The following LRRC37A variants were observed in gnomAD, a reference collection of about 807,000 sequenced individuals.
LRRC37A encodes leucine rich repeat containing 37A, also known as leucine-rich repeat-containing protein 37A.
LRRC37A carries 3 observed loss-of-function variants against 35.4 expected under a neutral mutation model. The observed-to-expected ratio is 0.08, with a 90% CI of 0.04 to 0.22. The LOEUF is 0.22. Ranked by LOEUF, LRRC37A falls within the 10% of genes least tolerant of loss-of-function variation. The pLI is 1.00. For missense variants in LRRC37A, 67 were observed against 565.3 expected, an observed-to-expected ratio of 0.12 and a Z score of 8.94; for synonymous variants, 23 against 215.0, an observed-to-expected ratio of 0.11 and a Z score of 7.81.
the LRRC37A span, among the ~76,000 whole-genome samples, chr17:46,284,923 G>A: frequency 6.6e-6 from 1 of 152,234 alleles, no homozygotes; most frequent in African/African-American, 2.4e-5. Context: ...AGGCTGGAGT[G>A]GAGTGGCACG....
chr17:46,256,867 G>C, the LRRC37A span, among the ~76,000 whole-genome samples: 82 of 152,126 alleles, frequency 5.4e-4, no homozygotes, highest in Non-Finnish European at 1.1e-3. Flanking sequence ...CCCTTCGAAA[G>C]GGGATTGGAA....
the LRRC37A span, among the ~76,000 whole-genome samples, chr17:46,273,939 T>G: frequency 3.3e-5 from 5 of 152,244 alleles, no homozygotes; most frequent in Non-Finnish European, 7.3e-5. Flanking sequence ...AATGTACAGA[T>G]GAAGGCAATG....
At chr17:46,266,481 T>C in the LRRC37A span, among the ~76,000 whole-genome samples, 2 of 152,178 alleles carry the variant, frequency 1.3e-5, no homozygotes, top group Non-Finnish European at 2.9e-5. Flanking sequence ...GTTCCAATGG[T>C]CTGCTCAGCG....
the LRRC37A span, among the ~76,000 whole-genome samples, chr17:46,253,114 G>C: frequency 6.7e-6 from 1 of 148,494 alleles, no homozygotes; most frequent in Non-Finnish European, 1.5e-5. Context: ...TCTCAGATGG[G>C]GCGGCCGGGC....
intron 10 of LRRC37A, among the ~76,000 whole-genome samples, chr17:46,333,303 T>C (rs1282178181): frequency 1.8e-5 from 1 of 55,842 alleles, no homozygotes; most frequent in East Asian, 2.8e-4. Flanking sequence ...TTGGACACCA[T>C]GTGAGACATT....
the LRRC37A span, among the ~76,000 whole-genome samples, chr17:46,270,631 G>A: frequency 1.1e-3 from 167 of 152,350 alleles, no homozygotes; most frequent in African/African-American, 3.5e-3. Flanking sequence ...AGGCTAGGCC[G>A]GGAGCTGTGA....
At chr17:46,282,178 CT>C in the LRRC37A span, among the ~76,000 whole-genome samples, 2,295 of 152,218 alleles carry the variant, frequency 0.015, 59 homozygotes, top group African/African-American at 0.049. Flanking sequence ...TCTCGGCTCA[CT>C]GCAAGCTCTG....
chr17:46,267,919 TA>T, the LRRC37A span, among the ~76,000 whole-genome samples: 23 of 105,016 alleles, frequency 2.2e-4, no homozygotes, highest in Non-Finnish European at 1.6e-4. Context: ...TTTTTTTTTT[TA>T]GACAGAGTCT....
the LRRC37A span, among the ~76,000 whole-genome samples, chr17:46,250,850 T>A: frequency 6.6e-6 from 1 of 152,192 alleles, no homozygotes; most frequent in Non-Finnish European, 1.5e-5. Context: ...CTCCTTGTCC[T>A]TCTCTTCCCT....
the LRRC37A span, among the ~76,000 whole-genome samples, chr17:46,280,691 A>G: frequency 6.7e-6 from 1 of 149,158 alleles, no homozygotes; most frequent in Non-Finnish European, 1.5e-5. Flanking sequence ...CTCATGCCTC[A>G]GCCTCCTGTG....
chr17:46,266,649 C>T, the LRRC37A span, among the ~76,000 whole-genome samples: 2 of 152,322 alleles, frequency 1.3e-5, no homozygotes, highest in African/African-American at 2.4e-5. Context: ...CTTTCTGGCT[C>T]CTCTGTTTAA....
At chr17:46,257,452 CAAAA>C in the LRRC37A span, among the ~76,000 whole-genome samples, 7 of 83,298 alleles carry the variant, frequency 8.4e-5, no homozygotes, top group Non-Finnish European at 1.6e-4. Flanking sequence ...GACTCTGTCT[CAAAA>C]AAAAAAAAAA....
At chr17:46,267,281 T>G in the LRRC37A span, 1 of 1,150,198 alleles carries the variant, frequency 8.7e-7, no homozygotes. Context: ...GCCCAGGGAC[T>G]GGGAGAGGAA....
chr17:46,259,199 CAACA>C, the LRRC37A span, among the ~76,000 whole-genome samples: 17,526 of 140,594 alleles, frequency 0.12, no homozygotes, highest in Non-Finnish European at 0.18. Flanking sequence ...AAATAAAAAC[CAACA>C]AAGAGGACAA....
At chr17:46,259,806 C>T in the LRRC37A span, 6 of 1,560,822 alleles carry the variant, frequency 3.8e-6, no homozygotes, top group African/African-American at 8.2e-5. Flanking sequence ...CAGGGCTGCC[C>T]AGCTTCATTC....
the LRRC37A span, among the ~76,000 whole-genome samples, chr17:46,267,893 C>CTTTTTTTTTTTT: frequency 1.2e-4 from 11 of 89,272 alleles, 1 homozygote; most frequent in African/African-American, 5.4e-4. Context: ...ACTCCCACAT[C>CTTTTTTTTTTTT]TTTTTTTTTT....
chr17:46,280,505 T>C, the LRRC37A span, among the ~76,000 whole-genome samples: 3 of 151,960 alleles, frequency 2.0e-5, no homozygotes, highest in Non-Finnish European at 1.5e-5. Flanking sequence ...CAAGACCCTG[T>C]CCCTAATTAA....
upstream of LRRC37A, among the ~76,000 whole-genome samples, chr17:46,289,518 C>A (rs1290280898): frequency 1.3e-5 from 2 of 152,052 alleles, no homozygotes; most frequent in South Asian, 2.1e-4. Flanking sequence ...TTAAAAAATT[C>A]TTTTAGAGAT....
the LRRC37A span, among the ~76,000 whole-genome samples, chr17:46,253,519 G>A: frequency 6.6e-6 from 1 of 152,224 alleles, no homozygotes; most frequent in African/African-American, 2.4e-5. Flanking sequence ...GGCCGAGGCT[G>A]GCGGATCACT....
Sources: gnomAD v4.1 joint callset for allele counts (sites outside exome capture counted in the v4.1 genomes callset) on GRCh38, gnomAD v4.1.1 for gene constraint, MANE v1.5 for transcripts, NCBI Gene and HGNC (gene_info 2026-07-23, HGNC 2026-07-21) for gene names.